The following CNTNAP2 variants were observed in gnomAD, a reference collection of about 807,000 sequenced individuals.
CNTNAP2 encodes contactin associated protein 2, also known as contactin-associated protein-like 2.
A neutral mutation model predicts 155.2 loss-of-function variants in CNTNAP2; 98 were observed. The ratio of observed to expected loss-of-function variants is 0.63; its 90% CI spans 0.54 to 0.75. The LOEUF (loss-of-function observed/expected upper bound fraction) is 0.75. Among genes scored for constraint, CNTNAP2 ranks in the 30% least tolerant of loss-of-function variants. The pLI is 0.00. For missense variants in CNTNAP2, 1,727 were observed against 1,688.1 expected (o/e 1.02, Z -0.40); for synonymous variants, 651 against 631.2 (o/e 1.03, Z -0.47).
At chr7:146,572,632 C>T (rs1001192725) in intron 1 of CNTNAP2, among the ~76,000 whole-genome samples, 5 of 152,022 alleles carry the variant, frequency 3.3e-5, no homozygotes, top group African/African-American at 1.2e-4. Flanking sequence ...AGGGGAGTTT[C>T]AATAACATTT....
chr7:147,842,576 TTTTTAC>T (rs1798765915), intron 13 of CNTNAP2, among the ~76,000 whole-genome samples: 1 of 100,430 alleles, frequency 1.0e-5, no homozygotes, highest in Non-Finnish European at 2.0e-5. Context: ...TTTTTTTTAC[TTTTTAC>T]TTTTCTTTTT....
intron 13 of CNTNAP2, among the ~76,000 whole-genome samples, chr7:147,732,181 T>TCCC (rs199519152): frequency 9.7e-4 from 105 of 108,524 alleles, no homozygotes; most frequent in African/African-American, 3.6e-3. Context: ...ATGCTATCCC[T>TCCC]CCCCCCCCCA....
At chr7:147,812,897 C>T (rs1798203944) in intron 13 of CNTNAP2, among the ~76,000 whole-genome samples, 1 of 151,956 alleles carries the variant, frequency 6.6e-6, no homozygotes, top group Non-Finnish European at 1.5e-5. Context: ...ATTAATAATA[C>T]ACACATACCT....
At chr7:147,135,254 TTCAG>T (rs1460327471) in intron 8 of CNTNAP2, among the ~76,000 whole-genome samples, 1 of 151,802 alleles carries the variant, frequency 6.6e-6, no homozygotes, top group African/African-American at 2.4e-5. Context: ...ACTTATGAAA[TTCAG>T]TCAAACTCAG....
intron 17 of CNTNAP2, among the ~76,000 whole-genome samples, chr7:148,165,378 G>T (rs1805634894): frequency 6.6e-6 from 1 of 152,104 alleles, no homozygotes; most frequent in Non-Finnish European, 1.5e-5. Flanking sequence ...CACATTGGAG[G>T]TTAGGGATTC....
At chr7:146,988,714 C>A (rs1798159127) in intron 3 of CNTNAP2, among the ~76,000 whole-genome samples, 1 of 152,236 alleles carries the variant, frequency 6.6e-6, no homozygotes, top group East Asian at 1.9e-4. Context: ...ATGACTAATA[C>A]ACAGACCAAA....
intron 15 of CNTNAP2, among the ~76,000 whole-genome samples, chr7:148,081,523 T>C (rs2116548102): frequency 6.6e-6 from 1 of 152,276 alleles, no homozygotes; most frequent in Non-Finnish European, 1.5e-5. Flanking sequence ...TGCTTGATGC[T>C]TCCTGCCCTC....
chr7:146,375,579 T>G (rs1215554023), intron 1 of CNTNAP2, among the ~76,000 whole-genome samples: 1 of 152,236 alleles, frequency 6.6e-6, no homozygotes, highest in African/African-American at 2.4e-5. Context: ...GTTCCTATTC[T>G]CCGAATTATA....
At chr7:147,930,328 CT>C (rs2116797330) in intron 14 of CNTNAP2, among the ~76,000 whole-genome samples, 1 of 152,214 alleles carries the variant, frequency 6.6e-6, no homozygotes, top group South Asian at 2.1e-4. Context: ...TAAATACTGT[CT>C]ACAGGAGACT....
At chr7:148,205,463 C>A (rs942320764) in intron 18 of CNTNAP2, among the ~76,000 whole-genome samples, 2 of 152,142 alleles carry the variant, frequency 1.3e-5, no homozygotes, top group African/African-American at 2.4e-5. Context: ...AGTAATTGAC[C>A]AACCTCTGCA....
intron 9 of CNTNAP2, among the ~76,000 whole-genome samples, chr7:147,326,216 G>A (rs180986541): frequency 1.7e-4 from 26 of 152,310 alleles, no homozygotes; most frequent in Non-Finnish European, 2.2e-4. Flanking sequence ...TAGCCACTGC[G>A]CCTGGACACC....
intron 1 of CNTNAP2, among the ~76,000 whole-genome samples, chr7:146,588,690 G>T (rs557407395): frequency 2.0e-5 from 3 of 152,070 alleles, no homozygotes; most frequent in East Asian, 3.9e-4. Flanking sequence ...AAAAATGTTG[G>T]TAGAGGTAGG....
At chr7:148,225,074 C>T (rs1366017535) in intron 19 of CNTNAP2, among the ~76,000 whole-genome samples, 1 of 152,154 alleles carries the variant, frequency 6.6e-6, no homozygotes, top group Non-Finnish European at 1.5e-5. Flanking sequence ...AATATTTATT[C>T]CACTCCTACT....
chr7:146,902,250 T>C (rs371578301), intron 3 of CNTNAP2, among the ~76,000 whole-genome samples: 19 of 152,226 alleles, frequency 1.2e-4, no homozygotes, highest in African/African-American at 4.3e-4. Context: ...GGGGAGATTG[T>C]GGCTTTCATC....
At chr7:147,885,567 C>T (rs998685483) in intron 13 of CNTNAP2, among the ~76,000 whole-genome samples, 2 of 152,156 alleles carry the variant, frequency 1.3e-5, no homozygotes, top group Non-Finnish European at 2.9e-5. Flanking sequence ...CTTCATCACC[C>T]TTTGGCTGGT....
At chr7:147,383,493 A>G (rs1267080704) in intron 9 of CNTNAP2, among the ~76,000 whole-genome samples, 3 of 152,172 alleles carry the variant, frequency 2.0e-5, no homozygotes. Flanking sequence ...CAATAAACGT[A>G]CATGTGCATA....
intron 15 of CNTNAP2, among the ~76,000 whole-genome samples, chr7:148,037,790 GA>G (rs917741731): frequency 1.3e-5 from 2 of 151,934 alleles, no homozygotes; most frequent in African/African-American, 2.4e-5. Flanking sequence ...GTATGAATAG[GA>G]AAAAAACATA....
chr7:146,551,900 T>C (rs1798128237), intron 1 of CNTNAP2, among the ~76,000 whole-genome samples: 2 of 152,110 alleles, frequency 1.3e-5, no homozygotes. Flanking sequence ...TAGTTCTGAG[T>C]TATTCAGCTC....
At chr7:147,333,344 T>C (rs550798235) in intron 9 of CNTNAP2, among the ~76,000 whole-genome samples, 1 of 152,268 alleles carries the variant, frequency 6.6e-6, no homozygotes, top group East Asian at 1.9e-4. Flanking sequence ...CATTGATCCA[T>C]GGTAAGGCTA....
Sources: gnomAD v4.1 joint callset for allele counts (sites outside exome capture counted in the v4.1 genomes callset) on GRCh38, gnomAD v4.1.1 for gene constraint, MANE v1.5 for transcripts, NCBI Gene and HGNC (gene_info 2026-07-23, HGNC 2026-07-21) for gene names.